Variants in PAPLN observed in about 807,000 individuals in gnomAD.
The protein encoded by PAPLN is papilin, proteoglycan like sulfated glycoprotein.
PAPLN carries 146 observed loss-of-function variants against 159.0 expected under a neutral mutation model. The observed-to-expected ratio is 0.92, with a 90% confidence interval of 0.80 to 1.05. The LOEUF is 1.05. Ranked by LOEUF, PAPLN falls within the 50% of genes least tolerant of loss-of-function variation. PAPLN has a pLI of 0.00. For missense variants in PAPLN, 1,720 were observed against 1,743.9 expected, an observed-to-expected ratio of 0.99 and a Z score of 0.24; for synonymous variants, 734 against 702.9, an observed-to-expected ratio of 1.04 and a Z score of -0.70.
In PAPLN at chr14:73,259,365, A is replaced by G. The variant is rs1475060248; in HGVS notation, c.1805A>G (p.His602Arg). 4 of 1,611,754 alleles carry G rather than the reference A, an allele frequency of 2.5e-6. No homozygotes were observed. Among genetic ancestry groups the G allele is most frequent in the Middle Eastern group, 3.3e-4 (2 of 6,050 alleles). The change falls in exon 16 of 27, where the codon CAC becomes CGC. Residue 602 changes from histidine to arginine, a missense_variant. Coordinates refer to ENST00000644200, the MANE Select transcript of PAPLN (RefSeq NM_001365906.3). ...RGDPRGDQGTHLSALGPAPSL... is the reference protein window; with the variant it reads ...RGDPRGDQGTRLSALGPAPSL... ...GACCCCAGGGGCGACCAAGGCACCC[A>G]CCTGTCAGCCCTGGGCCCCGCTCCC... is the stretch of plus-strand genomic sequence containing the variant.
intron 25 of PAPLN, among the ~76,000 whole-genome samples, chr14:73,267,878 C>T (rs983154606): frequency 6.6e-6 from 1 of 152,202 alleles, no homozygotes; most frequent in African/African-American, 2.4e-5. Flanking sequence ...TCCCTGCAGA[C>T]CCTATGCTGA....
Position 73,245,498 on chromosome 14 carries a change from G to C in PAPLN, c.171-138G>C. ...TCACTCCCACCTGGGGGATTTACGG[G>C]GTGGGGTCGGGGGACACCCTCTCAC... On this transcript the variant is annotated intron_variant, in intron 3 of 26. Coordinates refer to ENST00000644200, the MANE Select transcript of PAPLN (RefSeq NM_001365906.3). The surrounding 1 kb of genome is among the most constrained non-coding windows in gnomAD (Gnocchi z 4.2). 1 of 897,468 alleles carries C rather than the reference G, an allele frequency of 1.1e-6. No individual in the cohort carries two copies. Among genetic ancestry groups the C allele is most frequent in the South Asian group, 1.7e-5 (1 of 58,896 alleles). 55.6% of individuals were successfully genotyped at this position (897,468 alleles called of 1,614,324 possible). A position where few individuals can be genotyped will look rare whatever the true frequency, so the allele number is the denominator to read the frequency against.
intron 26 of PAPLN, chr14:73,272,242 A>G (rs1292702968): frequency 5.4e-6 from 2 of 368,490 alleles, no homozygotes; most frequent in Non-Finnish European, 9.7e-6. Flanking sequence ...AGGAAGAGCT[A>G]TTCAGTGGGC....
rs1211801936 is a variant in PAPLN, at chr14:73,245,387, G to A, written c.171-249G>A. ...TCTTCTCTGGGAATCTGCCTAAGAT[G>A]CAGTGGAGTGGTCCCGCCTTAAATC... On this transcript the variant is annotated intron_variant, in intron 3 of 26. Transcript: ENST00000644200. The surrounding 1 kb of genome is among the most constrained non-coding windows in gnomAD (Gnocchi z 4.2). The A allele has an allele frequency of 7.4e-6, 4 of 538,882 alleles. No homozygotes were observed. The highest frequency in any genetic ancestry group is 1.3e-5 in the Non-Finnish European group (4 of 299,844). The allele number at this position is 538,882 out of a possible 1,614,324, so 33.4% of individuals were successfully genotyped here.
Position 73,253,980 on chromosome 14 carries a change from A to G in PAPLN, c.1302+19A>G. ...GGGAGAGGTCAGGCCCCTGGCCCGCATGGGGCTGGTGCTGGACCTGGGTAG... is the reference window on the plus strand; with the variant it reads ...GGGAGAGGTCAGGCCCCTGGCCCGCGTGGGGCTGGTGCTGGACCTGGGTAG... On this transcript the variant is annotated intron_variant, in intron 12 of 26. Transcript: ENST00000644200. 2 of 1,599,064 alleles carry G rather than the reference A, an allele frequency of 1.3e-6. No homozygotes were observed. Among genetic ancestry groups the G allele is most frequent in the East Asian group, 2.2e-5 (1 of 44,556 alleles).
chr14:73,270,446 T>G (rs1382539767), intron 26 of PAPLN, among the ~76,000 whole-genome samples: 1 of 152,190 alleles, frequency 6.6e-6, no homozygotes, highest in Non-Finnish European at 1.5e-5. Context: ...CATTCCCTCC[T>G]GCTCACCCAG....
intron 14 of PAPLN, among the ~76,000 whole-genome samples, chr14:73,255,718 GA>G: frequency 6.6e-6 from 1 of 152,266 alleles, no homozygotes; most frequent in Non-Finnish European, 1.5e-5. Context: ...GTTTGGCCTT[GA>G]CTCACTCGTG....
chr14:73,270,980 C>G (rs1273818171), intron 26 of PAPLN, among the ~76,000 whole-genome samples: 1 of 152,186 alleles, frequency 6.6e-6, no homozygotes, highest in Non-Finnish European at 1.5e-5. Context: ...AGGGACATAG[C>G]TCTACTGGGA....
At chr14:73,247,777 C>A in intron 5 of PAPLN, among the ~76,000 whole-genome samples, 1 of 101,058 alleles carries the variant, frequency 9.9e-6, no homozygotes, top group Non-Finnish European at 1.8e-5. Flanking sequence ...TGGGCGTGGC[C>A]CAGTGGGAGT....
At chr14:73,268,422 C>T in intron 25 of PAPLN, 135 bp from the exon 26 acceptor site, 1 of 898,118 alleles carries the variant, frequency 1.1e-6, no homozygotes, top group South Asian at 1.9e-5. Context: ...TTCTTGATTT[C>T]TCCCTGTCCT....
chr14:73,241,812 C>G (rs1349284182), intron 2 of PAPLN, among the ~76,000 whole-genome samples: 2 of 152,268 alleles, frequency 1.3e-5, no homozygotes, highest in Non-Finnish European at 2.9e-5. Context: ...GTTCCTGGGC[C>G]TCAGCCTCTG....
At position 73,272,661 on chromosome 14, in the gene PAPLN, G is replaced by T. The variant is rs41310938; in HGVS notation, c.3834G>T (p.Gln1278His). 1 of 1,568,106 alleles carries T rather than the reference G, an allele frequency of 6.4e-7. No homozygotes were observed. The highest frequency in any genetic ancestry group is 1.7e-5 in the Admixed American group (1 of 58,322). Residue 1278 changes from glutamine (Q) to histidine (H), a missense_variant, in exon 27 of 27, where the codon CAG becomes CAT. Coordinates refer to ENST00000644200, the MANE Select transcript of PAPLN (RefSeq NM_001365906.3). ...AGCCTCACGCTCAGCCCATCTGGCA[G>T]TAGGGATGAAGGCTAGTTCCAGCCC... is the stretch of plus-strand genomic sequence containing the variant. ...RFQPHAQPIW[Q>H]
intron 5 of PAPLN, among the ~76,000 whole-genome samples, chr14:73,247,512 T>A (rs905310147): frequency 6.6e-6 from 1 of 150,682 alleles, no homozygotes; most frequent in Admixed American, 6.6e-5. Flanking sequence ...GAGTCTCATA[T>A]CCTGTGTATG....
chr14:73,259,016 C>G lies in PAPLN; in HGVS notation c.1665C>G (p.Ser555Arg), dbSNP rs1395581722. Reference protein sequence around the residue: ...PSMQDVHTPASNPWMPLGPQE... With the variant: ...PSMQDVHTPARNPWMPLGPQE... Reference sequence around the variant, plus strand: ...TGCAGGATGTGCACACCCCTGCCAGCAACCCCTGGATGCCGTTGGGCCCTC... The same window carrying G: ...TGCAGGATGTGCACACCCCTGCCAGGAACCCCTGGATGCCGTTGGGCCCTC... Residue 555 changes from serine (S) to arginine (R), a missense_variant, in exon 15 of 27, where the codon AGC (serine) becomes AGG (arginine). Physicochemically the swap from Ser to Arg is moderately radical, Grantham distance 110. Coordinates refer to ENST00000644200, the MANE Select transcript of PAPLN (RefSeq NM_001365906.3). The G allele has an allele frequency of 6.2e-7, 1 of 1,612,684 alleles. No individual in the cohort carries two copies. Among genetic ancestry groups the G allele is most frequent in the East Asian group, 2.2e-5 (1 of 44,830 alleles).
intron 19 of PAPLN, chr14:73,263,134 C>T (rs780711457): frequency 1.7e-4 from 63 of 368,814 alleles, no homozygotes; most frequent in Non-Finnish European, 2.6e-4. Flanking sequence ...GCTTCGTGAC[C>T]TTTGGCAAGT....
chr14:73,245,200 G>A lies in PAPLN; in HGVS notation c.171-436G>A. The A allele has an allele frequency of 4.7e-6, 1 of 213,102 alleles. No individual in the cohort carries two copies. The highest frequency in any genetic ancestry group is 7.6e-5 in the South Asian group (1 of 13,166). 13.2% of individuals were successfully genotyped at this position (213,102 alleles called of 1,614,324 possible). ...GAAGGTGGGGCACAGAAGGAGTAGT[G>A]AGGTGCCTCTGTCCCGGTTTGTATA... On this transcript the variant is annotated intron_variant, in intron 3 of 26. Transcript: ENST00000644200. The surrounding 1 kb of genome is among the most constrained non-coding windows in gnomAD (Gnocchi z 4.2).
intron 2 of PAPLN, 74 bp from the exon 3 acceptor site, chr14:73,244,570 A>G: frequency 7.7e-7 from 1 of 1,293,298 alleles, no homozygotes. Context: ...GGTTTTAGGC[A>G]GAGCATCTTT....
Position 73,254,695 on chromosome 14 carries a change from A to C in PAPLN, c.1485A>C (p.Leu495=). ...CCTGGCATGTTGGCACCTGGGGTCT[A>C]GTGAGTGCTCTCCACCCCCACACCT... ...DQAWHVGTWG[L]CSKSCSSGTR... The change falls in exon 13 of 27, where the codon CTA becomes CTC. Residue 495 remains leucine (L), a splice_region_variant and synonymous_variant. Transcript: ENST00000644200. 1.9e-6 allele frequency: 3 copies of C among 1,612,986 alleles called. No individual in the cohort carries two copies. Among genetic ancestry groups the C allele is most frequent in the Non-Finnish European group, 2.5e-6 (3 of 1,179,298 alleles).
In PAPLN at chr14:73,250,946, G is replaced by C. The variant is rs1885180486; in HGVS notation, c.505G>C (p.Glu169Gln). The C allele has an allele frequency of 6.2e-7, 1 of 1,613,672 alleles. No homozygotes were observed. Among genetic ancestry groups the C allele is most frequent in the African/African-American group, 1.3e-5 (1 of 74,946 alleles). ...TCACGAGCTGGACTCGTCCAAGCAG[G>C]AGGACAAGTGTCTGCGGTGTGGGGG... The part of the protein sequence containing the change: ...CDHELDSSKQ[E>Q]DKCLRCGGDG... The change falls in exon 7 of 27, where the codon GAG (glutamate) becomes CAG (glutamine). Residue 169 changes from glutamate to glutamine, a missense_variant. Transcript: ENST00000644200.
Sources: gnomAD v4.1 joint callset for allele counts (sites outside exome capture counted in the v4.1 genomes callset) on GRCh38, gnomAD v4.1.1 for gene constraint, Gnocchi (gnomAD v3.1) non-coding constraint, MANE v1.5 for transcripts, NCBI Gene and HGNC (gene_info 2026-07-23, HGNC 2026-07-21) for gene names.